GMDS: variants seen among roughly 807,000 people sequenced by gnomAD.
GMDS encodes GDP-mannose 4,6-dehydratase.
A neutral mutation model predicts 49.9 loss-of-function variants in GMDS; 20 were observed. The observed-to-expected ratio is 0.40, with a 90% CI of 0.28 to 0.58. The LOEUF is 0.58. Among genes scored for constraint, GMDS ranks in the 20% least tolerant of loss-of-function variants. The pLI, the probability that GMDS is intolerant of heterozygous loss-of-function variation, is 0.42. For missense variants in GMDS, 362 were observed against 481.4 expected (o/e 0.75, Z 2.32); for synonymous variants, 177 against 178.6 (o/e 0.99, Z 0.07).
At position 2,154,862 on chromosome 6, in the gene GMDS, G is replaced by GAAAAAA. The variant is rs1562103386; in HGVS notation, c.103-30132_103-30131insTTTTTT. Among the ~76,000 whole-genome samples, 49 of 33,830 alleles carry GAAAAAA rather than the reference G, an allele frequency of 1.4e-3. 3 individuals are homozygous for GAAAAAA. Among genetic ancestry groups the GAAAAAA allele is most frequent in the African/African-American group, 3.5e-3 (46 of 13,194 alleles). 22.2% of individuals were successfully genotyped at this position (33,830 alleles called of 152,430 possible). On this transcript the variant is annotated intron_variant, in intron 1 of 10. Coordinates refer to ENST00000380815, the MANE Select transcript of GMDS (RefSeq NM_001500.4). ...AACAAAAGCCTCTTATTGAAGAGAT[G>GAAAAAA]CAAAAAAAAAAAAAAAAAAAAAAAG...
chr6:1,980,453 AG>A (rs1765159338), intron 4 of GMDS, among the ~76,000 whole-genome samples: 1 of 151,990 alleles, frequency 6.6e-6, no homozygotes, highest in Non-Finnish European at 1.5e-5. Context: ...AAGACAAAGA[AG>A]GGCATACATA....
At chr6:1,666,863 G>T (rs768772772) in intron 9 of GMDS, among the ~76,000 whole-genome samples, 19 of 152,324 alleles carry the variant, frequency 1.2e-4, no homozygotes, top group Non-Finnish European at 2.1e-4. Flanking sequence ...ACTCAGCTTG[G>T]CACTGGCTTT....
chr6:1,693,429 G>A (rs955271030), intron 9 of GMDS, among the ~76,000 whole-genome samples: 12 of 152,310 alleles, frequency 7.9e-5, no homozygotes, highest in South Asian at 2.1e-4. Flanking sequence ...GGCTCTGCCC[G>A]AATCCTGTCC....
chr6:1,692,526 A>G (rs912870419), intron 9 of GMDS, among the ~76,000 whole-genome samples: 2 of 152,192 alleles, frequency 1.3e-5, no homozygotes, highest in Non-Finnish European at 2.9e-5. Context: ...TGGGGACTCC[A>G]ATTACACACA....
At chr6:1,639,097 C>T (rs1377024333) in intron 9 of GMDS, among the ~76,000 whole-genome samples, 1 of 152,146 alleles carries the variant, frequency 6.6e-6, no homozygotes, top group Non-Finnish European at 1.5e-5. Context: ...GGCAGGCTAG[C>T]AGATAAGGAG....
intron 1 of GMDS, among the ~76,000 whole-genome samples, chr6:2,131,027 C>T (rs530630605): frequency 4.0e-5 from 6 of 151,834 alleles, no homozygotes; most frequent in African/African-American, 9.7e-5. Flanking sequence ...AGAACATGTA[C>T]AAAATTGACT....
chr6:2,082,844 C>T lies in GMDS; in HGVS notation c.345+32927G>A, dbSNP rs566363649. Among the ~76,000 whole-genome samples the T allele has an allele frequency of 9.2e-5, 14 of 152,338 alleles. No individual in the cohort carries two copies. In the East Asian group the frequency reaches 2.7e-3, roughly 29 times the overall value. On this transcript the variant is annotated intron_variant, in intron 4 of 10. Coordinates refer to ENST00000380815, the MANE Select transcript of GMDS (RefSeq NM_001500.4). ...AAACAAAAGCCTTCAAAATATTTATCTAATTCAATATCCTCACTGGATGAC... is the reference window on the plus strand; with the variant it reads ...AAACAAAAGCCTTCAAAATATTTATTTAATTCAATATCCTCACTGGATGAC...
At chr6:2,110,118 T>C (rs1774461093) in intron 4 of GMDS, among the ~76,000 whole-genome samples, 1 of 152,148 alleles carries the variant, frequency 6.6e-6, no homozygotes, top group South Asian at 2.1e-4. Flanking sequence ...GTTGCAATTT[T>C]GTTTTGTTCT....
chr6:1,932,015 A>AG (rs1037879442), intron 6 of GMDS, among the ~76,000 whole-genome samples: 13 of 152,170 alleles, frequency 8.5e-5, no homozygotes, highest in Non-Finnish European at 1.9e-4. Context: ...CAGGTCTGCA[A>AG]GGGGGGAAAG....
chr6:2,067,642 C>T (rs1030063702), intron 4 of GMDS, among the ~76,000 whole-genome samples: 81 of 152,100 alleles, frequency 5.3e-4, no homozygotes, highest in African/African-American at 1.6e-3. Flanking sequence ...AACACCTCTA[C>T]GCAAATAAAC....
At chr6:2,172,522 C>A (rs564829209) in intron 1 of GMDS, among the ~76,000 whole-genome samples, 6 of 152,280 alleles carry the variant, frequency 3.9e-5, no homozygotes, top group African/African-American at 1.2e-4. Context: ...GAAACCCCAT[C>A]TCTACTAAAA....
chr6:1,972,648 G>A (rs960969776), intron 4 of GMDS, among the ~76,000 whole-genome samples: 2 of 152,206 alleles, frequency 1.3e-5, no homozygotes, highest in African/African-American at 4.8e-5. Flanking sequence ...GAAATTTAGA[G>A]TTCCCTTCTA....
chr6:1,669,868 G>A (rs936226440), intron 9 of GMDS, among the ~76,000 whole-genome samples: 4 of 134,932 alleles, frequency 3.0e-5, no homozygotes, highest in South Asian at 4.9e-4. Flanking sequence ...AGCCGAGATC[G>A]CGCCACTGCA....
At chr6:1,999,934 T>TATA (rs1159159936) in intron 4 of GMDS, among the ~76,000 whole-genome samples, 7 of 77,644 alleles carry the variant, frequency 9.0e-5, no homozygotes, top group East Asian at 7.7e-4. Flanking sequence ...TTATATATTA[T>TATA]TATATATAAT....
At chr6:2,241,904 C>T (rs1781631352) in intron 1 of GMDS, among the ~76,000 whole-genome samples, 1 of 152,156 alleles carries the variant, frequency 6.6e-6, no homozygotes, top group Admixed American at 6.5e-5. Context: ...CCAAAACAAG[C>T]CTTGGACACT....
At chr6:2,241,869 T>C (rs1161520371) in intron 1 of GMDS, among the ~76,000 whole-genome samples, 1 of 152,224 alleles carries the variant, frequency 6.6e-6, no homozygotes, top group Non-Finnish European at 1.5e-5. Flanking sequence ...AAGACAACTT[T>C]CATATCTTTA....
chr6:2,020,108 G>A (rs1204742701), intron 4 of GMDS, among the ~76,000 whole-genome samples: 1 of 152,146 alleles, frequency 6.6e-6, no homozygotes, highest in Non-Finnish European at 1.5e-5. Flanking sequence ...GTCTTAAACT[G>A]TCAAACATCC....
intron 6 of GMDS, among the ~76,000 whole-genome samples, chr6:1,958,008 G>A (rs1763734523): frequency 6.6e-6 from 1 of 151,658 alleles, no homozygotes; most frequent in African/African-American, 2.4e-5. Context: ...ATCTTACTAT[G>A]TTGCCCAGGC....
chr6:2,057,986 C>G (rs1471599565), intron 4 of GMDS, among the ~76,000 whole-genome samples: 5 of 152,108 alleles, frequency 3.3e-5, no homozygotes. Flanking sequence ...GGGTACACCA[C>G]AGAGAAACAT....
Sources: allele counts gnomAD v4.1 joint callset (sites outside exome capture counted in the v4.1 genomes callset), GRCh38; gene constraint gnomAD v4.1.1; transcripts MANE v1.5; gene names NCBI Gene and HGNC (gene_info 2026-07-23, HGNC 2026-07-21).